The following TMEM38A variants were observed in gnomAD, a reference collection of about 807,000 sequenced individuals.
The protein encoded by TMEM38A is trimeric intracellular cation channel type A.
In TMEM38A, 17 loss-of-function variants were observed where a neutral mutation model predicts 28.6. That is an observed-to-expected ratio of 0.60 (90% confidence interval 0.41 to 0.89). TMEM38A has a LOEUF of 0.89. Among genes scored for constraint, TMEM38A ranks in the 40% least tolerant of loss-of-function variants. TMEM38A has a pLI of 0.00. For synonymous variants in TMEM38A, 169 were observed against 166.1 expected, an observed-to-expected ratio of 1.02 and a Z score of -0.14; for missense variants, 328 against 393.1, an observed-to-expected ratio of 0.83 and a Z score of 1.40.
At chr19:16,676,588 G>A (rs1015275239) in intron 1 of TMEM38A, among the ~76,000 whole-genome samples, 1 of 151,974 alleles carries the variant, frequency 6.6e-6, no homozygotes, top group African/African-American at 2.4e-5. Context: ...GTCATACCAG[G>A]AGACACAAGT....
At chr19:16,665,669 A>G (rs988539912) in intron 1 of TMEM38A, among the ~76,000 whole-genome samples, 3 of 152,268 alleles carry the variant, frequency 2.0e-5, no homozygotes, top group East Asian at 1.9e-4. Flanking sequence ...GTAAAGATCT[A>G]TTGAGAATTT....
chr19:16,672,319 A>G (rs1252302091), intron 1 of TMEM38A, among the ~76,000 whole-genome samples: 1 of 152,094 alleles, frequency 6.6e-6, no homozygotes, highest in Non-Finnish European at 1.5e-5. Flanking sequence ...CTTACTCTAA[A>G]ACAGGGATGT....
At chr19:16,674,816 C>CAA (rs201288937) in intron 1 of TMEM38A, among the ~76,000 whole-genome samples, 5 of 150,572 alleles carry the variant, frequency 3.3e-5, no homozygotes, top group South Asian at 2.1e-4. Context: ...ACAACAACAA[C>CAA]AAAAAAAAAC....
intron 1 of TMEM38A, among the ~76,000 whole-genome samples, chr19:16,670,543 C>T (rs1255791940): frequency 2.6e-5 from 4 of 152,168 alleles, no homozygotes; most frequent in African/African-American, 9.7e-5. Context: ...CGTTGCTAGG[C>T]GCTAAGCAAT....
chr19:16,678,560 G>T (rs2086763148), intron 1 of TMEM38A, among the ~76,000 whole-genome samples: 1 of 151,772 alleles, frequency 6.6e-6, no homozygotes, highest in African/African-American at 2.4e-5. Context: ...AGGAGTTTGA[G>T]ACCAGCCTGG....
intron 1 of TMEM38A, among the ~76,000 whole-genome samples, chr19:16,676,820 G>C (rs890524018): frequency 1.2e-4 from 17 of 145,250 alleles, no homozygotes; most frequent in Non-Finnish European, 2.4e-4. Context: ...GAGGGCAATG[G>C]CACGATCTCA....
chr19:16,679,243 CTTTTG>C (rs1337701597), intron 1 of TMEM38A, among the ~76,000 whole-genome samples: 4 of 140,910 alleles, frequency 2.8e-5, no homozygotes, highest in African/African-American at 1.0e-4. Flanking sequence ...ATAGCAATTT[CTTTTG>C]TTTCGTGTGT....
intron 4 of TMEM38A, among the ~76,000 whole-genome samples, chr19:16,685,868 A>G (rs575827585): frequency 5.8e-4 from 89 of 152,290 alleles, no homozygotes; most frequent in Non-Finnish European, 1.0e-3. Context: ...CTGCCACCTT[A>G]CAATCAGGAG....
chr19:16,686,410 G>A lies in TMEM38A; in HGVS notation c.672+5G>A, dbSNP rs1274311514. On this transcript the variant is annotated splice_donor_5th_base_variant and intron_variant, in intron 5 of 5. Transcript: ENST00000187762. ...TTGTTCATGGTGTCCTGTAAGGTAA[G>A]CCTTTCTCTTCTTGCAGCATTCTTG... 1 of 1,610,614 alleles carries A rather than the reference G, an allele frequency of 6.2e-7. No homozygotes were observed. Among genetic ancestry groups the A allele is most frequent in the East Asian group, 2.2e-5 (1 of 44,730 alleles).
chr19:16,688,179 C>G lies in TMEM38A; in HGVS notation c.708C>G (p.Pro236=). The change falls in exon 6 of 6, where the codon CCC becomes CCG. Residue 236 remains proline (P), a synonymous_variant. Transcript: ENST00000187762. ...FLTATHSHSS[P]FDALEGYICP... ...CAGCCACCCACTCACACAGCTCCCC[C>G]TTTGATGCCCTGGAGGGCTACATCT... The G allele has an allele frequency of 6.8e-7, 1 of 1,474,342 alleles. No homozygotes were observed. Among genetic ancestry groups the G allele is most frequent in the Non-Finnish European group, 9.1e-7 (1 of 1,104,618 alleles). 91.3% of individuals were successfully genotyped at this position (1,474,342 alleles called of 1,614,324 possible).
chr19:16,684,646 G>C (rs1028536850), intron 4 of TMEM38A, among the ~76,000 whole-genome samples: 12 of 152,158 alleles, frequency 7.9e-5, no homozygotes, highest in Non-Finnish European at 1.3e-4. Context: ...GCTGATGGGG[G>C]ATCCCCAAGA....
chr19:16,674,410 T>C (rs1347642766), intron 1 of TMEM38A, among the ~76,000 whole-genome samples: 2 of 139,042 alleles, frequency 1.4e-5, no homozygotes, highest in South Asian at 2.2e-4. Flanking sequence ...AAAAAAAAAG[T>C]TGGGGGGATC....
Position 16,688,517 on chromosome 19 carries a change from T to A in TMEM38A, c.*146T>A. On this transcript the variant is annotated 3_prime_UTR_variant, in exon 6 of 6. Coordinates refer to ENST00000187762, the MANE Select transcript of TMEM38A (RefSeq NM_024074.4). Reference sequence around the variant, plus strand: ...ATTGGCTCACCCTCCAGGGCTGATGTGGGGGTTGAGATATGGGGATGAGGA... The same window carrying A: ...ATTGGCTCACCCTCCAGGGCTGATGAGGGGGTTGAGATATGGGGATGAGGA... 1 of 536,614 alleles carries A rather than the reference T, an allele frequency of 1.9e-6. No individual in the cohort carries two copies. Among genetic ancestry groups the A allele is most frequent in the Non-Finnish European group, 2.9e-6 (1 of 339,700 alleles). The allele number at this position is 536,614 out of a possible 1,614,324, so 33.2% of individuals were successfully genotyped here.
intron 3 of TMEM38A, 33 bp downstream of exon 3, chr19:16,680,614 C>A (rs760529026): frequency 1.2e-6 from 2 of 1,601,706 alleles, no homozygotes; most frequent in Non-Finnish European, 1.7e-6. Context: ...AAAATCATCC[C>A]AGTGGAGAAC....
At chr19:16,683,742 G>A in intron 4 of TMEM38A, among the ~76,000 whole-genome samples, 1 of 151,898 alleles carries the variant, frequency 6.6e-6, no homozygotes, top group East Asian at 1.9e-4. Flanking sequence ...AGGCTGAGGT[G>A]GGCAGATCAC....
intron 1 of TMEM38A, among the ~76,000 whole-genome samples, chr19:16,664,619 G>A (rs2086695581): frequency 6.6e-6 from 1 of 152,090 alleles, no homozygotes; most frequent in South Asian, 2.1e-4. Flanking sequence ...GCCAGGCATG[G>A]TGGTGTGTGT....
chr19:16,676,755 C>CTTT lies in TMEM38A; in HGVS notation c.125-3210_125-3208dup, dbSNP rs960732087. On this transcript the variant is annotated intron_variant, in intron 1 of 5. Transcript: ENST00000187762. ...ACCCCGAGTGTTGCATTTTCATGAC[C>CTTT]TTTTTTTTTTTTTTTTTTTTTGAGA... Among the ~76,000 whole-genome samples the CTTT allele has an allele frequency of 3.4e-3, 402 of 119,258 alleles. 13 individuals carry two copies. Among genetic ancestry groups the CTTT allele is most frequent in the African/African-American group, 8.6e-3 (235 of 27,442 alleles). The allele number at this position is 119,258 out of a possible 152,430, so 78.2% of individuals were successfully genotyped here.
chr19:16,682,476 G>A lies in TMEM38A; in HGVS notation c.522G>A (p.Lys174=), dbSNP rs1332237625. The change falls in exon 4 of 6, where the codon AAG becomes AAA. Residue 174 remains lysine, a synonymous_variant. Coordinates refer to ENST00000187762, the MANE Select transcript of TMEM38A (RefSeq NM_024074.4). The part of the protein sequence containing the change: ...NFEQLLRGVW[K]PETNEILHMS... The stretch of plus-strand genomic sequence containing the variant: ...AGCAGCTGCTCCGAGGGGTCTGGAA[G>A]CCAGAGACCAACGAGATCCTGCACA... The A allele has an allele frequency of 6.2e-7, 1 of 1,613,892 alleles. No individual in the cohort carries two copies. Among genetic ancestry groups the A allele is most frequent in the Non-Finnish European group, 8.5e-7 (1 of 1,180,002 alleles).
Position 16,661,264 on chromosome 19 carries a change from T to G in TMEM38A, c.47T>G (p.Phe16Cys). 1 of 1,597,350 alleles carries G rather than the reference T, an allele frequency of 6.3e-7. No individual in the cohort carries two copies. The highest frequency in any genetic ancestry group is 8.5e-7 in the Non-Finnish European group (1 of 1,172,750). The change falls in exon 1 of 6, where the codon TTC (phenylalanine) becomes TGC (cysteine). Residue 16 changes from phenylalanine to cysteine, a missense_variant. Physicochemically the swap from Phe to Cys is radical, Grantham distance 205. Transcript: ENST00000187762. The surrounding 1 kb of genome is among the most constrained non-coding windows in gnomAD (Gnocchi z 6.5). ...ALSLGELALS[F>C]SRVPLFPVFD... ...AGCCTGGGCGAACTGGCGCTCAGCT[T>G]CTCGCGGGTGCCGCTCTTCCCCGTC...
Sources: allele counts gnomAD v4.1 joint callset (sites outside exome capture counted in the v4.1 genomes callset), GRCh38; gene constraint gnomAD v4.1.1; non-coding constraint Gnocchi (gnomAD v3.1); transcripts MANE v1.5; gene names NCBI Gene and HGNC (gene_info 2026-07-23, HGNC 2026-07-21).